Variants in PPP1CB observed in about 807,000 individuals in gnomAD.
PPP1CB encodes protein phosphatase 1 catalytic subunit beta, also known as serine/threonine-protein phosphatase PP1-beta catalytic subunit.
In PPP1CB, 2 loss-of-function variants were observed where a neutral mutation model predicts 43.7. That is an observed-to-expected ratio of 0.05 (90% CI 0.02 to 0.14). The LOEUF (loss-of-function observed/expected upper bound fraction) is 0.14, where lower values mean the gene tolerates loss of function less well. PPP1CB is among the 10% of genes least tolerant of loss of function. The probability of loss-of-function intolerance (pLI) is 1.00; values close to 1 mark genes in which losing one functional copy is unlikely to be tolerated. For missense variants in PPP1CB, 84 were observed against 398.0 expected (o/e 0.21, Z 6.71); for synonymous variants, 136 against 135.6 (o/e 1.00, Z -0.02).
chr2:28,766,394 T>C (rs1666777573), intron 1 of PPP1CB, among the ~76,000 whole-genome samples: 1 of 152,214 alleles, frequency 6.6e-6, no homozygotes, highest in Non-Finnish European at 1.5e-5. Context: ...AAGATATTTT[T>C]CCACAAAAAA....
At chr2:28,754,136 G>T (rs1471685651) in intron 1 of PPP1CB, among the ~76,000 whole-genome samples, 1 of 151,812 alleles carries the variant, frequency 6.6e-6, no homozygotes, top group East Asian at 1.9e-4. Flanking sequence ...CATATATTTT[G>T]TAGGCATAAA....
At chr2:28,795,359 G>A (rs981358094) in intron 7 of PPP1CB, among the ~76,000 whole-genome samples, 1 of 152,082 alleles carries the variant, frequency 6.6e-6, no homozygotes, top group Non-Finnish European at 1.5e-5. Context: ...TTGCTGGGTC[G>A]AATGGTGGTT....
chr2:28,767,394 A>G (rs948607629), intron 1 of PPP1CB, among the ~76,000 whole-genome samples: 27 of 152,190 alleles, frequency 1.8e-4, no homozygotes, highest in Admixed American at 2.6e-4. Flanking sequence ...AATGACTACA[A>G]TGCCTTAGCA....
chr2:28,796,403 T>C (rs746351236), intron 7 of PPP1CB, among the ~76,000 whole-genome samples: 1 of 152,212 alleles, frequency 6.6e-6, no homozygotes, highest in Non-Finnish European at 1.5e-5. Flanking sequence ...TTTAACAATA[T>C]TGATTCTTCT....
intron 6 of PPP1CB, among the ~76,000 whole-genome samples, chr2:28,792,341 GA>G (rs539354141): frequency 1.9e-4 from 27 of 143,138 alleles, no homozygotes; most frequent in South Asian, 1.1e-3. Flanking sequence ...ACTCCATCTC[GA>G]AAAAAAAAAA....
rs70956041 is a variant in PPP1CB, at chr2:28,789,593, ATT to A, written c.744+806_744+807del. Among the ~76,000 whole-genome samples, 394 of 96,496 alleles carry A rather than the reference ATT, an allele frequency of 4.1e-3. 2 individuals are homozygous for A. The highest frequency in any genetic ancestry group is 0.012 in the South Asian group (35 of 2,926). 63.3% of individuals were successfully genotyped at this position (96,496 alleles called of 152,430 possible). A position where few individuals can be genotyped will look rare whatever the true frequency, so the allele number is the denominator to read the frequency against. Reference sequence around the variant, plus strand: ...TTGAAGCTTTGTAGATATGATTTAGATTTTTTTTTTTTTTTTTTTTTTTGAGA... The same window carrying A: ...TTGAAGCTTTGTAGATATGATTTAGATTTTTTTTTTTTTTTTTTTTTGAGA... On this transcript the variant is annotated intron_variant, in intron 6 of 7. Coordinates refer to ENST00000395366, the MANE Select transcript of PPP1CB (RefSeq NM_002709.3).
chr2:28,767,809 T>C (rs1286287314), intron 1 of PPP1CB, among the ~76,000 whole-genome samples: 1 of 152,236 alleles, frequency 6.6e-6, no homozygotes, highest in African/African-American at 2.4e-5. Flanking sequence ...TAAAAAATTA[T>C]TCTTAGGCCC....
At chr2:28,779,952 C>T (rs928274037) in intron 3 of PPP1CB, among the ~76,000 whole-genome samples, 33 of 152,188 alleles carry the variant, frequency 2.2e-4, no homozygotes, top group African/African-American at 7.7e-4. Flanking sequence ...GATTGGCCTT[C>T]CCTGTCCAGC....
Position 28,788,980 on chromosome 2 carries a change from C to T in PPP1CB, c.744+171C>T, listed in dbSNP as rs116521403. Among the ~76,000 whole-genome samples the T allele has an allele frequency of 6.5e-3, 992 of 152,192 alleles. 10 individuals are homozygous for T. Among genetic ancestry groups the T allele is most frequent in the African/African-American group, 0.022 (899 of 41,516 alleles). On this transcript the variant is annotated intron_variant, in intron 6 of 7. Transcript: ENST00000395366. ...TCAGGCAGTTCTTGTGCCTCAGCCTCCCAAGTAGCTGGGACGATAGCCGTG... is the reference window on the plus strand; with the variant it reads ...TCAGGCAGTTCTTGTGCCTCAGCCTTCCAAGTAGCTGGGACGATAGCCGTG...
chr2:28,752,338 C>T (rs143302292), intron 1 of PPP1CB, among the ~76,000 whole-genome samples, 162 bp downstream of exon 1: 1 of 151,970 alleles, frequency 6.6e-6, no homozygotes. Context: ...CGAGGAGGCT[C>T]TGGGCGCGGG....
At chr2:28,783,495 C>T (rs1000657083) in intron 4 of PPP1CB, among the ~76,000 whole-genome samples, 5 of 152,128 alleles carry the variant, frequency 3.3e-5, no homozygotes, top group Admixed American at 1.3e-4. Flanking sequence ...CGGTGGCCCA[C>T]GCCTGTAATC....
intron 1 of PPP1CB, among the ~76,000 whole-genome samples, chr2:28,761,019 G>A (rs1308516285): frequency 1.3e-5 from 2 of 152,136 alleles, no homozygotes; most frequent in East Asian, 3.9e-4. Context: ...TCCTGCCTCA[G>A]CCTCCTGAGT....
intron 2 of PPP1CB, chr2:28,777,273 T>G: frequency 5.9e-6 from 1 of 168,288 alleles, no homozygotes; most frequent in South Asian, 1.8e-4. Context: ...GAGGAAGGTC[T>G]TAGAAGAAAT....
rs1667585151 is a variant in PPP1CB, at chr2:28,800,232, T to TTTTTTTTTTTTTTTTTTTTG, written c.*946_*947insTTGTTTTTTTTTTTTTTTTT. The stretch of plus-strand genomic sequence containing the variant: ...TTCTTTTTCTTTTTTCTTTCTTTTT[T>TTTTTTTTTTTTTTTTTTTTG]TTTTTTTTTTTTTTTTTGAGTTGTT... On this transcript the variant is annotated 3_prime_UTR_variant, in exon 8 of 8. Transcript: ENST00000395366. 1 of 143,564 alleles carries TTTTTTTTTTTTTTTTTTTTG rather than the reference T, an allele frequency of 7.0e-6. No individual in the cohort carries two copies. The highest frequency in any genetic ancestry group is 1.5e-5 in the Non-Finnish European group (1 of 65,548). The allele number at this position is 143,564 out of a possible 1,614,324, so 8.9% of individuals were successfully genotyped here.
In PPP1CB at chr2:28,751,831, C is replaced by A. The variant is rs748860833; in HGVS notation, c.-294C>A. 2 of 492,290 alleles carry A rather than the reference C, an allele frequency of 4.1e-6. No individual in the cohort carries two copies. The highest frequency in any genetic ancestry group is 7.4e-6 in the Non-Finnish European group (2 of 270,746). 30.5% of individuals were successfully genotyped at this position (492,290 alleles called of 1,614,324 possible). A position where few individuals can be genotyped will look rare whatever the true frequency, so the allele number is the denominator to read the frequency against. On this transcript the variant is annotated 5_prime_UTR_variant, in exon 1 of 8. Transcript: ENST00000395366. ...CCGTCGGCGGCGCTGGTGAGCTTTG[C>A]GGAGCTGGGCGGTGCCGAGGAGGAG...
At chr2:28,763,631 T>C (rs1012250759) in intron 1 of PPP1CB, among the ~76,000 whole-genome samples, 4 of 152,192 alleles carry the variant, frequency 2.6e-5, no homozygotes, top group Non-Finnish European at 5.9e-5. Context: ...TATTTTTACA[T>C]ATACACAATA....
chr2:28,784,821 G>A (rs909649467), intron 5 of PPP1CB, among the ~76,000 whole-genome samples: 1 of 149,532 alleles, frequency 6.7e-6, no homozygotes, highest in Non-Finnish European at 1.5e-5. Flanking sequence ...TCAAGAGGCT[G>A]AGGCACGAGA....
rs544525186 is a variant in PPP1CB, at chr2:28,767,739, A to G, written c.53-9112A>G. On this transcript the variant is annotated intron_variant, in intron 1 of 7. Transcript: ENST00000395366. ...GGCCACCAAAATTTGAGTTTCATAT[A>G]ATTTTTATATGTCACAGAGGATTCT... Among the ~76,000 whole-genome samples the G allele has an allele frequency of 7.9e-5, 12 of 152,302 alleles. No homozygotes were observed. In the East Asian group the frequency reaches 1.9e-3, roughly 24 times the overall value.
intron 3 of PPP1CB, among the ~76,000 whole-genome samples, chr2:28,779,651 A>G (rs1180666651): frequency 6.6e-6 from 1 of 152,214 alleles, no homozygotes; most frequent in African/African-American, 2.4e-5. Flanking sequence ...ATACGGGAGT[A>G]AGTATTTATT....
Sources: allele counts gnomAD v4.1 joint callset (sites outside exome capture counted in the v4.1 genomes callset), GRCh38; gene constraint gnomAD v4.1.1; transcripts MANE v1.5; gene names NCBI Gene and HGNC (gene_info 2026-07-23, HGNC 2026-07-21).